Variants in POLA2 observed in about 807,000 individuals in gnomAD.
The protein encoded by POLA2 is DNA polymerase alpha 2, accessory subunit.
A neutral mutation model predicts 82.8 loss-of-function variants in POLA2; 47 were observed. The observed-to-expected ratio is 0.57, with a 90% CI of 0.45 to 0.72. The LOEUF is 0.72. POLA2 is among the 30% of genes least tolerant of loss of function. POLA2 has a pLI of 0.00. For missense variants in POLA2, 634 were observed against 728.1 expected (o/e 0.87, Z 1.49); for synonymous variants, 287 against 286.8 (o/e 1.00, Z -0.01).
At chr11:65,300,034 G>C (rs897001977), downstream of POLA2, among the ~76,000 whole-genome samples, 6 of 152,184 alleles carry the variant, frequency 3.9e-5, no homozygotes, top group Admixed American at 3.3e-4. Flanking sequence ...TCATGGTGTT[G>C]TGCAGGCCTC....
At chr11:65,296,149 C>A in intron 17 of POLA2, 159 bp downstream of exon 17, 1 of 722,488 alleles carries the variant, frequency 1.4e-6, no homozygotes, top group Non-Finnish European at 2.4e-6. Flanking sequence ...GTGGTGGGAC[C>A]AGAAAACAAA....
chr11:65,287,961 A>G (rs1469910525), intron 11 of POLA2, 121 bp downstream of exon 11: 16 of 1,042,950 alleles, frequency 1.5e-5, no homozygotes, highest in Non-Finnish European at 2.2e-5. Context: ...TTCATTCTTA[A>G]TCTACATCTT....
chr11:65,269,026 G>C (rs1949493092), intron 4 of POLA2, among the ~76,000 whole-genome samples: 1 of 152,130 alleles, frequency 6.6e-6, no homozygotes, highest in South Asian at 2.1e-4. Context: ...GAATAATTCA[G>C]TTCTGTGTTG....
At chr11:65,283,968 CAAAA>C (rs879880217) in intron 10 of POLA2, among the ~76,000 whole-genome samples, 4 of 95,744 alleles carry the variant, frequency 4.2e-5, no homozygotes, top group African/African-American at 1.1e-4. Flanking sequence ...CCTGTCTCTA[CAAAA>C]AAAAAAAAAA....
chr11:65,299,440 C>T (rs572167697), downstream of POLA2, among the ~76,000 whole-genome samples: 1 of 152,268 alleles, frequency 6.6e-6, no homozygotes, highest in Admixed American at 6.5e-5. Flanking sequence ...GCTGAGGGAA[C>T]AGAAGCCACT....
chr11:65,275,910 A>G lies in POLA2; in HGVS notation c.373A>G (p.Ile125Val), dbSNP rs1184083467. 4 of 1,606,690 alleles carry G rather than the reference A, an allele frequency of 2.5e-6. No homozygotes were observed. Among genetic ancestry groups the G allele is most frequent in the South Asian group, 2.2e-5 (2 of 89,628 alleles). ...TCCCTAGGGTTCTCAGAAGCGAGCT[A>G]TCTCTACCCCAGAAACCCCCCTAAC... Reference protein sequence around the residue: ...TPSKGSQKRAISTPETPLTKR... With the variant: ...TPSKGSQKRAVSTPETPLTKR... Residue 125 changes from isoleucine to valine, a missense_variant, in exon 5 of 18, where the codon ATC becomes GTC. Physicochemically the swap from Ile to Val is conservative, Grantham distance 29. Coordinates refer to ENST00000265465, the MANE Select transcript of POLA2 (RefSeq NM_002689.4).
chr11:65,295,797 G>C, intron 16 of POLA2, 67 bp from the exon 17 acceptor site: 1 of 1,570,940 alleles, frequency 6.4e-7, no homozygotes, highest in South Asian at 1.1e-5. Context: ...CAGTACCTAG[G>C]GGGACTCTGT....
rs1949713727 is a variant in POLA2 at position 65,287,853 on chromosome 11, A to G, written c.1131+13A>G. On this transcript the variant is annotated intron_variant, in intron 11 of 17. Coordinates refer to ENST00000265465, the MANE Select transcript of POLA2 (RefSeq NM_002689.4). ...TGTCTGCATCCTGGTAAGAGGCACC[A>G]GTGGGAAAGCTGAGGAGTCAGCCTT... is the stretch of plus-strand genomic sequence containing the variant. The G allele has an allele frequency of 6.2e-7, 1 of 1,612,106 alleles. No homozygotes were observed. The highest frequency in any genetic ancestry group is 8.5e-7 in the Non-Finnish European group (1 of 1,179,028).
At chr11:65,301,636 G>A (rs1292087656), downstream of POLA2, among the ~76,000 whole-genome samples, 1 of 152,056 alleles carries the variant, frequency 6.6e-6, no homozygotes, top group Admixed American at 6.5e-5. Flanking sequence ...TCCGCACCAT[G>A]GAGAGGACTC....
chr11:65,299,338 CT>C (rs767883761), downstream of POLA2, among the ~76,000 whole-genome samples: 10 of 152,228 alleles, frequency 6.6e-5, no homozygotes, highest in Non-Finnish European at 1.3e-4. Flanking sequence ...TGCCCTTGCC[CT>C]GCCTCTGCCC....
chr11:65,282,293 A>C (rs897340064), intron 9 of POLA2, among the ~76,000 whole-genome samples, 186 bp from the exon 10 acceptor site: 2 of 152,172 alleles, frequency 1.3e-5, no homozygotes, highest in African/African-American at 4.8e-5. Context: ...TGAGCAGTAT[A>C]GAAAAATGGC....
downstream of POLA2, among the ~76,000 whole-genome samples, chr11:65,300,902 G>T (rs990498438): frequency 2.4e-4 from 37 of 152,304 alleles, no homozygotes; most frequent in Middle Eastern, 3.4e-3. Flanking sequence ...GTTTCACTTA[G>T]CATGATGTTT....
At chr11:65,275,124 G>A (rs918828778) in intron 4 of POLA2, among the ~76,000 whole-genome samples, 5 of 151,956 alleles carry the variant, frequency 3.3e-5, no homozygotes, top group African/African-American at 1.2e-4. Context: ...CTGTTCTCTG[G>A]CATTCTGTCC....
At chr11:65,294,442 C>A (rs559104294) in intron 14 of POLA2, 104 bp from the exon 15 acceptor site, 1 of 1,063,536 alleles carries the variant, frequency 9.4e-7, no homozygotes, top group Non-Finnish European at 1.4e-6. Context: ...TGGTTTGGTC[C>A]CCCTTTCCGT....
chr11:65,285,118 A>G (rs548115332), intron 10 of POLA2, among the ~76,000 whole-genome samples: 3 of 152,030 alleles, frequency 2.0e-5, no homozygotes, highest in South Asian at 4.2e-4. Flanking sequence ...AAAAGTACAA[A>G]AATTAGGCCA....
At chr11:65,279,666 G>A (rs79760138) in intron 7 of POLA2, 40 bp downstream of exon 7, 48 of 1,391,512 alleles carry the variant, frequency 3.4e-5, no homozygotes, top group Non-Finnish European at 4.1e-5. Flanking sequence ...TTAATATTAC[G>A]TTTTTAAATC....
At position 65,271,593 on chromosome 11, in the gene POLA2, C is replaced by T. The variant is rs568487511; in HGVS notation, c.354+2864C>T. On this transcript the variant is annotated intron_variant, in intron 4 of 17. Transcript: ENST00000265465. ...GTGACTGTGAGGCCGAGTGCAGTGGCTCACACCTGTAATCCCAGCACTTCG... is the reference window on the plus strand; with the variant it reads ...GTGACTGTGAGGCCGAGTGCAGTGGTTCACACCTGTAATCCCAGCACTTCG... Among the ~76,000 whole-genome samples, 4 of 152,218 alleles carry T rather than the reference C, an allele frequency of 2.6e-5. No individual in the cohort carries two copies. In the South Asian group the frequency reaches 8.3e-4, roughly 32 times the overall value.
chr11:65,271,833 C>A (rs555414140), intron 4 of POLA2, among the ~76,000 whole-genome samples: 1 of 140,960 alleles, frequency 7.1e-6, no homozygotes, highest in East Asian at 2.0e-4. Context: ...AACCAGACTC[C>A]GTCTGAAAAA....
At chr11:65,265,953 T>C (rs1949455708) in intron 1 of POLA2, among the ~76,000 whole-genome samples, 1 of 152,210 alleles carries the variant, frequency 6.6e-6, no homozygotes, top group South Asian at 2.1e-4. Flanking sequence ...CCCATGTATT[T>C]ACTGATGGTT....
Sources: gnomAD v4.1 joint callset for allele counts (sites outside exome capture counted in the v4.1 genomes callset) on GRCh38, gnomAD v4.1.1 for gene constraint, MANE v1.5 for transcripts, NCBI Gene and HGNC (gene_info 2026-07-23, HGNC 2026-07-21) for gene names.